The following CREB3L4 variants were observed in gnomAD, a reference collection of about 807,000 sequenced individuals.
The protein encoded by CREB3L4 is cyclic AMP-responsive element-binding protein 3-like protein 4.
A neutral mutation model predicts 37.0 loss-of-function variants in CREB3L4; 28 were observed. That is an observed-to-expected ratio of 0.76 (90% CI 0.56 to 1.04). The LOEUF is 1.04. CREB3L4 is among the 50% of genes least tolerant of loss of function. CREB3L4 has a pLI of 0.00. For missense variants in CREB3L4, 462 were observed against 486.0 expected (o/e 0.95, Z 0.46); for synonymous variants, 175 against 192.2 (o/e 0.91, Z 0.74).
intron 4 of CREB3L4, 99 bp downstream of exon 4, chr1:153,969,554 C>T (rs1648142049): frequency 1.4e-6 from 2 of 1,419,824 alleles, no homozygotes; most frequent in African/African-American, 2.8e-5. Flanking sequence ...TGATGAACTG[C>T]CTTTGCCCCG....
chr1:153,969,753 GGT>G, intron 4 of CREB3L4: 1 of 335,012 alleles, frequency 3.0e-6, no homozygotes, highest in South Asian at 2.9e-5. Flanking sequence ...TGGGACTACA[GGT>G]GTGTGCCACC....
rs147281422 is a variant in CREB3L4, at chr1:153,973,202, G to T, written c.751G>T (p.Ala251Ser). Residue 251 changes from alanine (A) to serine (S), a missense_variant, in exon 7 of 10, where the codon GCC becomes TCC. Ala to Ser is a moderately conservative substitution (Grantham distance 99). Coordinates refer to ENST00000368607, the MANE Select transcript of CREB3L4 (RefSeq NM_001255978.2). The part of the protein sequence containing the change: ...YIDGLESRVA[A>S]CSAQNQELQK... ...TACCTCCCTACATTCTAGGGTGGCA[G>T]CCTGTTCTGCACAGAACCAAGAATT... The T allele has an allele frequency of 3.7e-6, 6 of 1,614,090 alleles. 1 individual carries two copies. In the South Asian group the frequency reaches 5.5e-5, roughly 15 times the overall value.
intron 2 of CREB3L4, 53 bp from the exon 3 acceptor site, chr1:153,968,877 G>C: frequency 6.4e-7 from 1 of 1,553,482 alleles, no homozygotes; most frequent in East Asian, 2.3e-5. Context: ...ATAAGTCAGG[G>C]AGGACTTCCA....
rs765322971 is a variant in CREB3L4, at chr1:153,973,583, C to G, written c.898-37C>G. On this transcript the variant is annotated intron_variant, in intron 8 of 9. Transcript: ENST00000368607. ...CAGCTGGCCTCCGTTCACTCTACCC[C>G]CTGCTCCCTTCATCTGTTCCTCTTG... 70 of 1,589,552 alleles carry G rather than the reference C, an allele frequency of 4.4e-5. No individual in the cohort carries two copies. In the East Asian group the frequency reaches 1.2e-3, roughly 28 times the overall value.
Position 153,973,716 on chromosome 1 carries a change from G to A in CREB3L4, c.994G>A (p.Val332Met), listed in dbSNP as rs779121393. 4.4e-6 allele frequency: 7 copies of A among 1,597,262 alleles called. No homozygotes were observed. The Admixed American group carries it at 7.0e-5, about 16-fold the overall frequency. The change falls in exon 9 of 10, where the codon GTG becomes ATG. Residue 332 changes from valine to methionine, a missense_variant and splice_region_variant. Val to Met is a conservative substitution (Grantham distance 21). Coordinates refer to ENST00000368607, the MANE Select transcript of CREB3L4 (RefSeq NM_001255978.2). ...GTCTGAGGATTACCAGCCTCACGGA[G>A]GTGAGAGGCAAGGGCAGGGAGCAAC... ...AGSEDYQPHGVTSRNILTHKD... is the reference protein window; with the variant it reads ...AGSEDYQPHGMTSRNILTHKD...
chr1:153,974,095 T>C lies in CREB3L4; in HGVS notation c.*30T>C. 1 of 1,598,856 alleles carries C rather than the reference T, an allele frequency of 6.3e-7. No homozygotes were observed. The highest frequency in any genetic ancestry group is 8.5e-7 in the Non-Finnish European group (1 of 1,170,158). On this transcript the variant is annotated 3_prime_UTR_variant, in exon 10 of 10. Coordinates refer to ENST00000368607, the MANE Select transcript of CREB3L4 (RefSeq NM_001255978.2). ...GAACAGACCTTCCTGGCCCACTTCC[T>C]GATCACAAGGAATCCTGGGCTTCCT...
rs755329296 is a variant in CREB3L4, at chr1:153,974,101, C to A, written c.*36C>A. 3.8e-6 allele frequency: 6 copies of A among 1,589,450 alleles called. No homozygotes were observed. The Admixed American group carries it at 1.0e-4, about 27-fold the overall frequency. On this transcript the variant is annotated 3_prime_UTR_variant, in exon 10 of 10. Transcript: ENST00000368607. ...ACCTTCCTGGCCCACTTCCTGATCA[C>A]AAGGAATCCTGGGCTTCCTTATGGC...
Position 153,973,717 on chromosome 1 carries a change from G to T in CREB3L4, c.994+1G>T, listed in dbSNP as rs746299639. On this transcript the variant is annotated splice_donor_variant, in intron 9 of 9. Coordinates refer to ENST00000368607, the MANE Select transcript of CREB3L4 (RefSeq NM_001255978.2). LOFTEE classifies it high-confidence loss of function. Reference sequence around the variant, plus strand: ...TCTGAGGATTACCAGCCTCACGGAGGTGAGAGGCAAGGGCAGGGAGCAACC... The same window carrying T: ...TCTGAGGATTACCAGCCTCACGGAGTTGAGAGGCAAGGGCAGGGAGCAACC... 4 of 1,596,998 alleles carry T rather than the reference G, an allele frequency of 2.5e-6. No homozygotes were observed. Among genetic ancestry groups the T allele is most frequent in the Admixed American group, 3.5e-5 (2 of 57,184 alleles).
At chr1:153,968,832 C>T in intron 2 of CREB3L4, 98 bp from the exon 3 acceptor site, 1 of 1,524,288 alleles carries the variant, frequency 6.6e-7, no homozygotes, top group East Asian at 2.3e-5. Context: ...ATAACTGTCT[C>T]CATGCCCAAG....
intron 4 of CREB3L4, among the ~76,000 whole-genome samples, chr1:153,972,137 AAAAG>A (rs1338012531): frequency 1.3e-5 from 2 of 152,122 alleles, no homozygotes; most frequent in African/African-American, 2.4e-5. Context: ...ACATCTTTCA[AAAAG>A]AAATACTAGT....
chr1:153,974,103 A>G lies in CREB3L4; in HGVS notation c.*38A>G. On this transcript the variant is annotated 3_prime_UTR_variant, in exon 10 of 10. Coordinates refer to ENST00000368607, the MANE Select transcript of CREB3L4 (RefSeq NM_001255978.2). ...CTTCCTGGCCCACTTCCTGATCACA[A>G]GGAATCCTGGGCTTCCTTATGGCTT... is the stretch of plus-strand genomic sequence containing the variant. The G allele has an allele frequency of 6.3e-7, 1 of 1,590,704 alleles. No homozygotes were observed. The highest frequency in any genetic ancestry group is 8.6e-7 in the Non-Finnish European group (1 of 1,164,704).
rs747131844 is a variant in CREB3L4, at chr1:153,968,930, G to T, written c.175G>T (p.Gly59Cys). Residue 59 changes from glycine to cysteine, a missense_variant and splice_region_variant, in exon 3 of 10, where the codon GGC becomes TGC. Transcript: ENST00000368607. Reference protein sequence around the residue: ...GWKSGGDRGCGLQESEPEDFL... With the variant: ...GWKSGGDRGCCLQESEPEDFL... ...TATATATAACCTTTTCCTACTGTAGGGCCTTCAAGAGAGTGAGCCTGAAGA... is the reference window on the plus strand; with the variant it reads ...TATATATAACCTTTTCCTACTGTAGTGCCTTCAAGAGAGTGAGCCTGAAGA... 12 of 1,605,838 alleles carry T rather than the reference G, an allele frequency of 7.5e-6. No individual in the cohort carries two copies. Among genetic ancestry groups the T allele is most frequent in the Non-Finnish European group, 1.0e-5 (12 of 1,175,480 alleles).
At position 153,969,320 on chromosome 1, in the gene CREB3L4, G is replaced by A. The variant is rs764029795; in HGVS notation, c.422-14G>A. The A allele has an allele frequency of 1.9e-6, 3 of 1,614,198 alleles. No homozygotes were observed. Among genetic ancestry groups the A allele is most frequent in the South Asian group, 2.2e-5 (2 of 91,080 alleles). On this transcript the variant is annotated splice_polypyrimidine_tract_variant and intron_variant, in intron 3 of 9. Transcript: ENST00000368607. Reference sequence around the variant, plus strand: ...TAAGTCTCCTTTCTCCCAGCTACCTGTTTTCTACTCCAGATCAGTGGAGCC... The same window carrying A: ...TAAGTCTCCTTTCTCCCAGCTACCTATTTTCTACTCCAGATCAGTGGAGCC...
In CREB3L4 at chr1:153,973,675, G is replaced by C. The variant is rs150386964; in HGVS notation, c.953G>C (p.Ser318Thr). ...IILPSFSPFQ[S>T]RPEAGSEDYQ... ...CTGCCCAGCTTCAGTCCATTCCAGA[G>C]TCGACCAGAAGCTGGGTCTGAGGAT... The change falls in exon 9 of 10, where the codon AGT becomes ACT. Residue 318 changes from serine to threonine, a missense_variant. Physicochemically the swap from Ser to Thr is moderately conservative, Grantham distance 58. Transcript: ENST00000368607. The C allele has an allele frequency of 1.2e-6, 2 of 1,609,698 alleles. No homozygotes were observed. The highest frequency in any genetic ancestry group is 1.7e-6 in the Non-Finnish European group (2 of 1,177,834).
rs370874260 is a variant in CREB3L4 at position 153,973,348 on chromosome 1, A to T, written c.813-32A>T. 2.5e-6 allele frequency: 4 copies of T among 1,612,852 alleles called. No individual in the cohort carries two copies. In the African/African-American group the frequency reaches 5.3e-5, roughly 22 times the overall value. On this transcript the variant is annotated intron_variant, in intron 7 of 9. Coordinates refer to ENST00000368607, the MANE Select transcript of CREB3L4 (RefSeq NM_001255978.2). ...GCCATTCTTGGCCCCTGGTACCCAG[A>T]TGATACTAACTCTTCATTCCTCCTT... is the stretch of plus-strand genomic sequence containing the variant.
rs543288149 is a variant in CREB3L4, at chr1:153,971,366, T to C, written c.544-1378T>C. Among the ~76,000 whole-genome samples the C allele has an allele frequency of 1.1e-3, 172 of 150,730 alleles. 1 individual carries two copies. Among genetic ancestry groups the C allele is most frequent in the African/African-American group, 3.5e-3 (146 of 41,190 alleles). On this transcript the variant is annotated intron_variant, in intron 4 of 9. Transcript: ENST00000368607. Reference sequence around the variant, plus strand: ...CTGGGCGACAGGGCAAGACTCCGTCTCAAAAAAAAAAAGTCTGATGCCCCT... The same window carrying C: ...CTGGGCGACAGGGCAAGACTCCGTCCCAAAAAAAAAAAGTCTGATGCCCCT...
intron 4 of CREB3L4, among the ~76,000 whole-genome samples, chr1:153,971,077 A>G (rs1648317337): frequency 1.2e-5 from 1 of 80,184 alleles, no homozygotes; most frequent in South Asian, 5.4e-4. Flanking sequence ...GAACCTTTAA[A>G]AGTCTGATGC....
intron 9 of CREB3L4, 77 bp from the exon 10 acceptor site, chr1:153,973,795 G>A (rs1363926327): frequency 2.6e-6 from 4 of 1,564,592 alleles, no homozygotes; most frequent in East Asian, 4.6e-5. Flanking sequence ...CAAGAAGCAA[G>A]AGGGAGGTCC....
At chr1:153,971,184 A>G (rs375816536) in intron 4 of CREB3L4, among the ~76,000 whole-genome samples, 9 of 149,112 alleles carry the variant, frequency 6.0e-5, no homozygotes, top group African/African-American at 2.2e-4. Flanking sequence ...CCTGGCCAAC[A>G]TGGTGAAACC....
Sources: allele counts gnomAD v4.1 joint callset (sites outside exome capture counted in the v4.1 genomes callset), GRCh38; gene constraint gnomAD v4.1.1; transcripts MANE v1.5; gene names NCBI Gene and HGNC (gene_info 2026-07-23, HGNC 2026-07-21).